ZCCHC14: variants seen among roughly 807,000 people sequenced by gnomAD.
ZCCHC14 encodes zinc finger CCHC domain-containing protein 14.
ZCCHC14 carries 16 observed loss-of-function variants against 85.0 expected under a neutral mutation model. That is an observed-to-expected ratio of 0.19 (90% CI 0.13 to 0.29). The LOEUF (loss-of-function observed/expected upper bound fraction) is 0.29. Among genes scored for constraint, ZCCHC14 ranks in the 10% least tolerant of loss-of-function variants. The probability of loss-of-function intolerance (pLI) is 1.00; values close to 1 mark genes in which losing one functional copy is unlikely to be tolerated. For synonymous variants in ZCCHC14, 775 were observed against 630.7 expected (o/e 1.23, Z -3.43); for missense variants, 1,303 against 1,443.5 (o/e 0.90, Z 1.58).
At chr16:87,466,184 C>T (rs1242766995) in intron 1 of ZCCHC14, among the ~76,000 whole-genome samples, 7 of 151,482 alleles carry the variant, frequency 4.6e-5, no homozygotes, top group Admixed American at 4.6e-4. Context: ...AAAAACCCAG[C>T]ACCACACAGG....
chr16:87,446,113 G>C (rs1475358082), intron 2 of ZCCHC14, among the ~76,000 whole-genome samples: 1 of 147,894 alleles, frequency 6.8e-6, no homozygotes, highest in Non-Finnish European at 1.5e-5. Context: ...GTTGTAGTGA[G>C]CCAAGATCGC....
In ZCCHC14 at chr16:87,412,329, C is replaced by T; in HGVS notation, c.2392G>A (p.Val798Met). Residue 798 changes from valine to methionine, a missense_variant, in exon 12 of 13, where the codon GTG becomes ATG. Around this residue, in one of 7 missense-constraint regions of ZCCHC14, gnomAD observed 797 missense variants for 730.8 expected, o/e 1.09. Transcript: ENST00000671377. ...ATTGCAGGGGGCACACTTATTTGCA[C>T]ATTATTAGGACAGGAAGTTTGCCCA... is the stretch of plus-strand genomic sequence containing the variant. ...ISGQTSCPNN[V>M]QISVPPAIIN... 1 of 1,614,064 alleles carries T rather than the reference C, an allele frequency of 6.2e-7. No individual in the cohort carries two copies. The highest frequency in any genetic ancestry group is 8.5e-7 in the Non-Finnish European group (1 of 1,180,032).
intron 3 of ZCCHC14, among the ~76,000 whole-genome samples, chr16:87,427,152 AC>A (rs756844430): frequency 1.3e-5 from 2 of 152,226 alleles, no homozygotes; most frequent in Non-Finnish European, 2.9e-5. Flanking sequence ...ACATGAAGAC[AC>A]CCAGAATCTC....
At chr16:87,462,067 T>A (rs8057839) in intron 1 of ZCCHC14, among the ~76,000 whole-genome samples, 72,064 of 150,430 alleles carry the variant, frequency 0.48, 18,254 homozygotes, top group South Asian at 0.74. Flanking sequence ...TATGAGTTTG[T>A]TACTGGCCTG....
chr16:87,433,502 C>T (rs1018516159), intron 2 of ZCCHC14, among the ~76,000 whole-genome samples: 4 of 152,192 alleles, frequency 2.6e-5, no homozygotes, highest in African/African-American at 4.8e-5. Flanking sequence ...CCAGCAGTAG[C>T]TACAACTGAG....
rs1255770360 is a variant in ZCCHC14 at position 87,491,636 on chromosome 16, G to A, written c.570+33C>T. 9 of 1,375,166 alleles carry A rather than the reference G, an allele frequency of 6.5e-6. No individual in the cohort carries two copies. The highest frequency in any genetic ancestry group is 3.5e-5 in the Admixed American group (1 of 28,248). The allele number at this position is 1,375,166 out of a possible 1,614,324, so 85.2% of individuals were successfully genotyped here. On this transcript the variant is annotated intron_variant, in intron 1 of 12. Coordinates refer to ENST00000671377, the MANE Select transcript of ZCCHC14 (RefSeq NM_015144.3). The surrounding 1 kb of genome is among the most constrained non-coding windows in gnomAD (Gnocchi z 5.9). ...GTGCAGAGTTGGGGATGCAGACTTG[G>A]GGTACAGGGCAGAGCTCGGGGCGGG...
At chr16:87,469,728 G>C (rs1236177379) in intron 1 of ZCCHC14, among the ~76,000 whole-genome samples, 2 of 152,196 alleles carry the variant, frequency 1.3e-5, no homozygotes, top group African/African-American at 2.4e-5. Flanking sequence ...AGCTCTGGGA[G>C]GATCCAGGAG....
rs540485523 is a variant in ZCCHC14 at position 87,412,578 on chromosome 16, G to A, written c.2143C>T (p.Leu715Phe). ...PHQPVQVLSGLSESSSMSPTV... is the reference protein window; with the variant it reads ...PHQPVQVLSGFSESSSMSPTV... ...GGTGACATGGAGCTGCTCTCCGAAAGCCCAGAGAGGACCTGCACAGGCTGG... is the reference window on the plus strand; with the variant it reads ...GGTGACATGGAGCTGCTCTCCGAAAACCCAGAGAGGACCTGCACAGGCTGG... The change falls in exon 12 of 13, where the codon CTT becomes TTT. Residue 715 changes from leucine to phenylalanine, a missense_variant. Transcript: ENST00000671377. 1.2e-6 allele frequency: 2 copies of A among 1,614,152 alleles called. No homozygotes were observed. Among genetic ancestry groups the A allele is most frequent in the East Asian group, 2.2e-5 (1 of 44,868 alleles).
At chr16:87,429,712 T>C (rs1167273276) in intron 3 of ZCCHC14, among the ~76,000 whole-genome samples, 1 of 152,196 alleles carries the variant, frequency 6.6e-6, no homozygotes, top group Non-Finnish European at 1.5e-5. Flanking sequence ...CTTCAAGCAA[T>C]TCTCCTGCCT....
At chr16:87,474,315 T>G (rs942811065) in intron 1 of ZCCHC14, 1 of 152,368 alleles carries the variant, frequency 6.6e-6, no homozygotes, top group Non-Finnish European at 1.5e-5. Context: ...TGGGCCATGC[T>G]AGCCTTCTCT....
At chr16:87,442,831 A>C (rs1422456160) in intron 2 of ZCCHC14, among the ~76,000 whole-genome samples, 2 of 152,242 alleles carry the variant, frequency 1.3e-5, no homozygotes, top group Non-Finnish European at 2.9e-5. Flanking sequence ...GAAACCATGA[A>C]GGCCAGAAGA....
At chr16:87,479,848 A>G (rs1482399155) in intron 1 of ZCCHC14, among the ~76,000 whole-genome samples, 1 of 152,168 alleles carries the variant, frequency 6.6e-6, no homozygotes, top group African/African-American at 2.4e-5. Context: ...ACAACCTTGT[A>G]TGAGTGCAAC....
intron 1 of ZCCHC14, among the ~76,000 whole-genome samples, chr16:87,477,049 C>T (rs1201168978): frequency 6.9e-6 from 1 of 145,074 alleles, no homozygotes; most frequent in Non-Finnish European, 1.5e-5. Context: ...TGCTTGAACC[C>T]AGGAGGCAGA....
chr16:87,449,037 C>T (rs1910569972), intron 2 of ZCCHC14, among the ~76,000 whole-genome samples: 1 of 152,200 alleles, frequency 6.6e-6, no homozygotes, highest in South Asian at 2.1e-4. Flanking sequence ...GTCCCCAGTT[C>T]AAGGAGGATG....
intron 10 of ZCCHC14, 140 bp from the exon 11 acceptor site, chr16:87,413,335 G>A (rs769273220): frequency 2.4e-4 from 304 of 1,242,862 alleles, no homozygotes; most frequent in Non-Finnish European, 3.0e-4. Flanking sequence ...CGAACACGCC[G>A]GCCCAGGCCG....
Position 87,413,170 on chromosome 16 carries a change from G to C in ZCCHC14, c.1629C>G (p.Pro543=), listed in dbSNP as rs1012829389. Reference sequence around the variant, plus strand: ...TGCCTTCCCGGGGCAGCTGGTGATGGGGCTGCTCCACTTCCACCCGCAGCT... The same window carrying C: ...TGCCTTCCCGGGGCAGCTGGTGATGCGGCTGCTCCACTTCCACCCGCAGCT... The part of the protein sequence containing the change: ...AAELRVEVEQ[P]HHQLPREGSS... Residue 543 remains proline (P), a synonymous_variant, in exon 11 of 13, where the codon CCC becomes CCG. Coordinates refer to ENST00000671377, the MANE Select transcript of ZCCHC14 (RefSeq NM_015144.3). The C allele has an allele frequency of 8.2e-6, 13 of 1,591,076 alleles. No individual in the cohort carries two copies. In the Admixed American group the frequency reaches 2.3e-4, roughly 28 times the overall value.
At chr16:87,441,878 GC>G (rs1190691938) in intron 2 of ZCCHC14, among the ~76,000 whole-genome samples, 2 of 152,186 alleles carry the variant, frequency 1.3e-5, no homozygotes, top group African/African-American at 2.4e-5. Context: ...AGCAACGAAA[GC>G]CCCTGGAAGG....
At position 87,418,839 on chromosome 16, in the gene ZCCHC14, T is replaced by C. The variant is rs201946725; in HGVS notation, c.1100+8A>G. 225 of 1,612,592 alleles carry C rather than the reference T, an allele frequency of 1.4e-4. No homozygotes were observed. The highest frequency in any genetic ancestry group is 7.3e-5 in the Non-Finnish European group (86 of 1,178,948). On this transcript the variant is annotated splice_region_variant and intron_variant, in intron 7 of 12. Transcript: ENST00000671377. ...TGAACTGTGCTGGTTACATAGAAGA[T>C]TTCTCACCTTCCAGACACGCCCATC...
At chr16:87,449,276 A>G (rs1406345770) in intron 2 of ZCCHC14, among the ~76,000 whole-genome samples, 2 of 152,170 alleles carry the variant, frequency 1.3e-5, no homozygotes, top group Non-Finnish European at 1.5e-5. Context: ...CTTTCTCTAG[A>G]ACAAAACCTC....
Sources: gnomAD v4.1 joint callset for allele counts (sites outside exome capture counted in the v4.1 genomes callset) on GRCh38, gnomAD v4.1.1 for gene constraint, gnomAD v4.1.1 regional missense constraint, Gnocchi (gnomAD v3.1) non-coding constraint, MANE v1.5 for transcripts, NCBI Gene and HGNC (gene_info 2026-07-23, HGNC 2026-07-21) for gene names.